Variants in SCAPER observed in about 807,000 individuals in gnomAD.
The protein encoded by SCAPER is S phase cyclin A-associated protein in the endoplasmic reticulum.
A neutral mutation model predicts 182.2 loss-of-function variants in SCAPER; 98 were observed. The ratio of observed to expected loss-of-function variants is 0.54; its 90% CI spans 0.46 to 0.64. SCAPER has a LOEUF of 0.64. Ranked by LOEUF, SCAPER falls within the 30% of genes least tolerant of loss-of-function variation. The pLI is 0.00. For synonymous variants in SCAPER, 605 were observed against 564.6 expected (o/e 1.07, Z -1.01); for missense variants, 1,432 against 1,690.0 (o/e 0.85, Z 2.68).
chr15:76,666,768 TAAGGAA>T (rs1328069003), intron 20 of SCAPER, among the ~76,000 whole-genome samples: 1 of 152,176 alleles, frequency 6.6e-6, no homozygotes, highest in African/African-American at 2.4e-5. Context: ...TTTATTTGAT[TAAGGAA>T]AACAGCATTA....
chr15:76,484,519 G>A (rs283791), intron 24 of SCAPER, among the ~76,000 whole-genome samples: 151,319 of 152,282 alleles, frequency 0.99, 75,190 homozygotes, highest in Middle Eastern at 1. Flanking sequence ...CAACTAAAAA[G>A]AGCCCAGGAC....
chr15:76,718,518 A>G (rs958283810), intron 17 of SCAPER, among the ~76,000 whole-genome samples: 4 of 151,996 alleles, frequency 2.6e-5, no homozygotes, highest in Non-Finnish European at 5.9e-5. Context: ...GCACACACCT[A>G]TAATCCCAGC....
intron 27 of SCAPER, among the ~76,000 whole-genome samples, chr15:76,401,477 G>A (rs1265791944): frequency 1.3e-5 from 2 of 152,162 alleles, no homozygotes. Flanking sequence ...CTCTAGGCTT[G>A]TGCCATTCCA....
At chr15:76,884,857 G>A (rs967643092) in intron 1 of SCAPER, among the ~76,000 whole-genome samples, 2 of 152,178 alleles carry the variant, frequency 1.3e-5, no homozygotes, top group Non-Finnish European at 2.9e-5. Context: ...GGAAGAAAGT[G>A]CTAATATATG....
chr15:76,438,029 TC>T (rs1260129420), intron 25 of SCAPER, among the ~76,000 whole-genome samples: 7 of 152,104 alleles, frequency 4.6e-5, no homozygotes, highest in African/African-American at 1.7e-4. Flanking sequence ...ACGCCTGTAA[TC>T]CCAGCACTTT....
intron 27 of SCAPER, among the ~76,000 whole-genome samples, chr15:76,398,828 T>C (rs923248157): frequency 5.3e-5 from 8 of 152,252 alleles, no homozygotes; most frequent in African/African-American, 1.9e-4. Context: ...AGTGTAGTTG[T>C]AAGGATTGCA....
intron 20 of SCAPER, among the ~76,000 whole-genome samples, chr15:76,695,492 G>T (rs2147182891): frequency 6.6e-6 from 1 of 151,680 alleles, no homozygotes; most frequent in Non-Finnish European, 1.5e-5. Context: ...AGCTACTTGG[G>T]AGGCTGAGAC....
At chr15:76,435,179 C>G (rs573841129) in intron 25 of SCAPER, among the ~76,000 whole-genome samples, 36 of 152,188 alleles carry the variant, frequency 2.4e-4, no homozygotes, top group Middle Eastern at 3.4e-3. Context: ...ACAAAGGGAG[C>G]CAGGAAATGT....
At chr15:76,471,191 C>A (rs1489723885) in intron 25 of SCAPER, 21 bp downstream of exon 25, 2 of 1,571,890 alleles carry the variant, frequency 1.3e-6, no homozygotes, top group Non-Finnish European at 1.7e-6. Flanking sequence ...GCTTCTAACT[C>A]AAAGCAATAA....
At chr15:76,349,575 C>A (rs1421270402) in intron 31 of SCAPER, 1 of 151,844 alleles carries the variant, frequency 6.6e-6, no homozygotes, top group East Asian at 1.9e-4. Context: ...CTCAAAATAT[C>A]TTGAGACATT....
chr15:76,664,705 G>C (rs931365402), intron 21 of SCAPER, among the ~76,000 whole-genome samples: 5 of 152,100 alleles, frequency 3.3e-5, no homozygotes, highest in African/African-American at 1.2e-4. Flanking sequence ...GGATAAACTA[G>C]AAATGAAGGT....
rs80160536 is a variant in SCAPER, at chr15:76,808,897, A to C, written c.394-4264T>G. Among the ~76,000 whole-genome samples, 1,231 of 152,330 alleles carry C rather than the reference A, an allele frequency of 8.1e-3. 13 individuals are homozygous for C. The highest frequency in any genetic ancestry group is 0.028 in the African/African-American group (1,168 of 41,584). On this transcript the variant is annotated intron_variant, in intron 5 of 31. Transcript: ENST00000563290. ...CCTCTCCCCAGCTTAATGTAAAGAA[A>C]ATGAGAGAAAAATTCCAGCTCCTAG... is the stretch of plus-strand genomic sequence containing the variant.
At chr15:76,375,132 C>T (rs529298275) in intron 29 of SCAPER, among the ~76,000 whole-genome samples, 2 of 143,360 alleles carry the variant, frequency 1.4e-5, no homozygotes, top group African/African-American at 5.1e-5. Flanking sequence ...ATGGGAGGAT[C>T]GCTTGAGCCC....
rs532281555 is a variant in SCAPER, at chr15:76,625,858, G to A, written c.2646-4029C>T. Among the ~76,000 whole-genome samples the A allele has an allele frequency of 5.2e-3, 790 of 152,196 alleles. 4 individuals carry two copies. The highest frequency in any genetic ancestry group is 6.6e-3 in the Non-Finnish European group (452 of 68,008). ...GCTCCCAGCTGATCGCAGAAGAAAAGGCTACCTCACTTTCCTCTCCTATCT... is the reference window on the plus strand; with the variant it reads ...GCTCCCAGCTGATCGCAGAAGAAAAAGCTACCTCACTTTCCTCTCCTATCT... On this transcript the variant is annotated intron_variant, in intron 21 of 31. Coordinates refer to ENST00000563290, the MANE Select transcript of SCAPER (RefSeq NM_020843.4).
At chr15:76,486,298 G>C (rs2051644821) in intron 24 of SCAPER, among the ~76,000 whole-genome samples, 1 of 152,156 alleles carries the variant, frequency 6.6e-6, no homozygotes, top group African/African-American at 2.4e-5. Context: ...TCAGGGCATA[G>C]GCATGGGCAA....
intron 25 of SCAPER, among the ~76,000 whole-genome samples, chr15:76,448,161 G>T (rs1407552137): frequency 6.6e-6 from 1 of 152,118 alleles, no homozygotes; most frequent in Non-Finnish European, 1.5e-5. Flanking sequence ...AGCATAAGGG[G>T]TAAGACAATG....
chr15:76,637,718 G>A (rs2053718192), intron 21 of SCAPER, among the ~76,000 whole-genome samples: 1 of 134,994 alleles, frequency 7.4e-6, no homozygotes, highest in Non-Finnish European at 1.6e-5. Context: ...CAATATATAT[G>A]TGATTATATA....
At chr15:76,467,908 AACC>A (rs2049816484) in intron 25 of SCAPER, among the ~76,000 whole-genome samples, 1 of 152,112 alleles carries the variant, frequency 6.6e-6, no homozygotes, top group Non-Finnish European at 1.5e-5. Context: ...ATGTCTCCTA[AACC>A]ATCTGGGTTT....
intron 8 of SCAPER, among the ~76,000 whole-genome samples, chr15:76,779,185 A>C (rs1415520810): frequency 2.0e-5 from 3 of 152,130 alleles, no homozygotes; most frequent in Non-Finnish European, 2.9e-5. Flanking sequence ...AATGAATAAG[A>C]TCAACCAACA....
Sources: gnomAD v4.1 joint callset for allele counts (sites outside exome capture counted in the v4.1 genomes callset) on GRCh38, gnomAD v4.1.1 for gene constraint, MANE v1.5 for transcripts, NCBI Gene and HGNC (gene_info 2026-07-23, HGNC 2026-07-21) for gene names.